CUX1: variants seen among roughly 807,000 people sequenced by gnomAD.
The protein encoded by CUX1 is cut like homeobox 1.
A neutral mutation model predicts 158.8 loss-of-function variants in CUX1; 31 were observed. The ratio of observed to expected loss-of-function variants is 0.20; its 90% CI spans 0.15 to 0.26. The LOEUF is 0.26. Among genes scored for constraint, CUX1 ranks in the 10% least tolerant of loss-of-function variants. The probability of loss-of-function intolerance (pLI) is 1.00; values close to 1 mark genes in which losing one functional copy is unlikely to be tolerated. For synonymous variants in CUX1, 879 were observed against 862.1 expected (o/e 1.02, Z -0.34); for missense variants, 1,589 against 2,014.6 (o/e 0.79, Z 4.04).
chr7:102,011,803 A>T (rs1005861060), intron 2 of CUX1, among the ~76,000 whole-genome samples: 4 of 152,008 alleles, frequency 2.6e-5, no homozygotes, highest in Non-Finnish European at 4.4e-5. Flanking sequence ...GAGGATTTTT[A>T]TTATCTTACT....
chr7:102,127,734 T>C (rs182092012), intron 8 of CUX1, among the ~76,000 whole-genome samples: 4 of 152,368 alleles, frequency 2.6e-5, no homozygotes, highest in Admixed American at 2.6e-4. Context: ...TTTATTACAC[T>C]GCTTTCATTG....
chr7:102,080,701 C>T lies in CUX1; in HGVS notation c.268+10284C>T, dbSNP rs1322974927. Among the ~76,000 whole-genome samples, 5 of 152,202 alleles carry T rather than the reference C, an allele frequency of 3.3e-5. No individual in the cohort carries two copies. In the South Asian group the frequency reaches 6.2e-4, roughly 19 times the overall value. On this transcript the variant is annotated intron_variant, in intron 4 of 23. Coordinates refer to ENST00000292535, the MANE Select transcript of CUX1 (RefSeq NM_181552.4). ...CACGCCCCCAGCCGAATCCAAAAGC[C>T]GCCTGCAGGCCTCTGCAGCTCTTCT...
intron 1 of CUX1, among the ~76,000 whole-genome samples, chr7:101,903,409 G>A (rs551080723): frequency 1.8e-4 from 28 of 152,306 alleles, no homozygotes; most frequent in Non-Finnish European, 2.8e-4. Context: ...TTGCAGAGCC[G>A]AAGATTGTAG....
chr7:101,961,408 A>G (rs1289014764), intron 2 of CUX1: 3 of 152,228 alleles, frequency 2.0e-5, no homozygotes, highest in Non-Finnish European at 4.4e-5. Context: ...TGACGTTCAA[A>G]TATAAATTGC....
At chr7:102,131,457 C>A (rs553618233) in intron 8 of CUX1, among the ~76,000 whole-genome samples, 1 of 150,266 alleles carries the variant, frequency 6.7e-6, no homozygotes, top group Admixed American at 6.6e-5. Context: ...AATTCAAGAC[C>A]AGCCTGGGCA....
intron 2 of CUX1, among the ~76,000 whole-genome samples, chr7:101,996,068 G>A (rs1013259915): frequency 2.6e-5 from 4 of 151,246 alleles, no homozygotes; most frequent in Admixed American, 6.6e-5. Context: ...ATGAGATCGC[G>A]CCACTGCACT....
At chr7:102,272,034 T>C (rs1344537453) in intron 14 of CUX1, among the ~76,000 whole-genome samples, 2 of 151,988 alleles carry the variant, frequency 1.3e-5, no homozygotes, top group Non-Finnish European at 2.9e-5. Flanking sequence ...TAAAATAAAA[T>C]AAAATAAATC....
intron 18 of CUX1, chr7:102,279,998 A>C (rs376936994): frequency 2.9e-6 from 4 of 1,400,106 alleles, no homozygotes; most frequent in Admixed American, 3.5e-5. Flanking sequence ...CTGGGCCCCA[A>C]GGCACTGACT....
At chr7:101,827,244 C>CCGTCTCTTCTCTTCTCTTCT (rs1793412391) in intron 1 of CUX1, among the ~76,000 whole-genome samples, 1 of 129,676 alleles carries the variant, frequency 7.7e-6, no homozygotes, top group African/African-American at 3.0e-5. Flanking sequence ...CCCCTCCCCT[C>CCGTCTCTTCTCTTCTCTTCT]CTTCTCTTCT....
At chr7:102,167,084 A>G (rs886415024) in intron 9 of CUX1, among the ~76,000 whole-genome samples, 2 of 152,022 alleles carry the variant, frequency 1.3e-5, no homozygotes, top group Admixed American at 6.6e-5. Flanking sequence ...CCTGGCCAAC[A>G]TGGTGAAACC....
chr7:102,033,653 C>CTAT (rs2129344628), intron 3 of CUX1, among the ~76,000 whole-genome samples: 1 of 152,296 alleles, frequency 6.6e-6, no homozygotes, highest in Admixed American at 6.5e-5. Context: ...AGCTTTGTAA[C>CTAT]TATTACTGAA....
intron 1 of CUX1, among the ~76,000 whole-genome samples, chr7:101,910,726 G>A (rs1335298110): frequency 6.8e-6 from 1 of 146,348 alleles, no homozygotes; most frequent in Non-Finnish European, 1.5e-5. Flanking sequence ...CAGCCTGGGC[G>A]ACCGAGCAAG....
rs1554519278 is a variant in CUX1 at position 102,200,266 on chromosome 7, T to TTA, written c.2062+94_2062+95insTA. 3.1e-6 allele frequency: 3 copies of TTA among 975,940 alleles called. No homozygotes were observed. The African/African-American group carries it at 5.0e-5, about 16-fold the overall frequency. 60.5% of individuals were successfully genotyped at this position (975,940 alleles called of 1,614,324 possible). Reference sequence around the variant, plus strand: ...CAGCAGTAATTAACTATTTTTTTTTTAAACAATAATGAATGCCTGTTCTCA... The same window carrying TTA: ...CAGCAGTAATTAACTATTTTTTTTTTTAAAACAATAATGAATGCCTGTTCTCA... On this transcript the variant is annotated intron_variant, in intron 17 of 23. Transcript: ENST00000292535.
At chr7:102,200,194 C>T (rs958898227) in intron 17 of CUX1, 22 bp downstream of exon 17, 2 of 1,576,682 alleles carry the variant, frequency 1.3e-6, no homozygotes, top group African/African-American at 1.4e-5. Flanking sequence ...ATTTCTTCAT[C>T]CACTGTCTTC....
At chr7:101,917,189 G>T (rs1324859090) in intron 2 of CUX1, among the ~76,000 whole-genome samples, 1 of 152,212 alleles carries the variant, frequency 6.6e-6, no homozygotes, top group Non-Finnish European at 1.5e-5. Context: ...TAGGAGAGAT[G>T]CCCCTCTCTT....
At position 102,252,385 on chromosome 7, in the gene CUX1, C is replaced by T; in HGVS notation, c.*3343C>T. 8 of 985,506 alleles carry T rather than the reference C, an allele frequency of 8.1e-6. No individual in the cohort carries two copies. The highest frequency in any genetic ancestry group is 2.3e-4 in the East Asian group (2 of 8,824). The allele number at this position is 985,506 out of a possible 1,614,324, so 61.0% of individuals were successfully genotyped here. A position where few individuals can be genotyped will look rare whatever the true frequency, so the allele number is the denominator to read the frequency against. The stretch of plus-strand genomic sequence containing the variant: ...CCAAGCAGTGGCCCCCGCAGGCAGC[C>T]GACCCCCTTCCTCTTCACGCTCTAT... On this transcript the variant is annotated 3_prime_UTR_variant, in exon 24 of 24. Coordinates refer to ENST00000292535, the MANE Select transcript of CUX1 (RefSeq NM_181552.4).
chr7:102,112,657 C>T (rs2131089773), intron 7 of CUX1, among the ~76,000 whole-genome samples: 1 of 151,918 alleles, frequency 6.6e-6, no homozygotes, highest in East Asian at 1.9e-4. Flanking sequence ...GAAACCTTTA[C>T]CTCTGTGGGC....
At chr7:101,856,182 CA>C (rs768518044) in intron 1 of CUX1, among the ~76,000 whole-genome samples, 3,660 of 48,136 alleles carry the variant, frequency 0.076, 15 homozygotes, top group African/African-American at 0.11. Context: ...GACCCTGTCT[CA>C]AAAAAAAAAA....
At chr7:102,066,399 G>T (rs1335055994) in intron 3 of CUX1, among the ~76,000 whole-genome samples, 1 of 152,124 alleles carries the variant, frequency 6.6e-6, no homozygotes, top group East Asian at 1.9e-4. Context: ...GGTATTGGGG[G>T]TCAGGACTTC....
Sources: allele counts gnomAD v4.1 joint callset (sites outside exome capture counted in the v4.1 genomes callset), GRCh38; gene constraint gnomAD v4.1.1; transcripts MANE v1.5; gene names NCBI Gene and HGNC (gene_info 2026-07-23, HGNC 2026-07-21).